The following MAN2B2 variants were observed in gnomAD, a reference collection of about 807,000 sequenced individuals.
MAN2B2 encodes mannosidase alpha class 2B member 2.
In MAN2B2, 106 loss-of-function variants were observed where a neutral mutation model predicts 117.1. The ratio of observed to expected loss-of-function variants is 0.90; its 90% CI spans 0.77 to 1.06. MAN2B2 has a LOEUF of 1.06. MAN2B2 is among the 50% of genes least tolerant of loss of function. The pLI is 0.00. For missense variants in MAN2B2, 1,326 were observed against 1,381.4 expected, an observed-to-expected ratio of 0.96 and a Z score of 0.64; for synonymous variants, 544 against 595.1, an observed-to-expected ratio of 0.91 and a Z score of 1.25.
chr4:6,594,155 G>A (rs1726973174), intron 6 of MAN2B2, among the ~76,000 whole-genome samples: 1 of 152,108 alleles, frequency 6.6e-6, no homozygotes, highest in African/African-American at 2.4e-5. Flanking sequence ...CTTAAGAGAT[G>A]CCCAGGGCCG....
Position 6,597,233 on chromosome 4 carries a change from C to A in MAN2B2, c.1178C>A (p.Ala393Asp), listed in dbSNP as rs902830326. 1 of 1,604,730 alleles carries A rather than the reference C, an allele frequency of 6.2e-7. No homozygotes were observed. Among genetic ancestry groups the A allele is most frequent in the African/African-American group, 1.3e-5 (1 of 74,620 alleles). Reference protein sequence around the residue: ...ESMFTRYLWPAPRGHLDPTWA... With the variant: ...ESMFTRYLWPDPRGHLDPTWA... ...ATGTTCACACGCTACCTGTGGCCGG[C>A]CCCCCGTGGGCATCTGGACCCCACC... is the stretch of plus-strand genomic sequence containing the variant. Residue 393 changes from alanine (A) to aspartate (D), a missense_variant, in exon 8 of 19, where the codon GCC (alanine) becomes GAC (aspartate). Coordinates refer to ENST00000285599, the MANE Select transcript of MAN2B2 (RefSeq NM_015274.3).
chr4:6,598,159 C>T (rs1727177278), intron 8 of MAN2B2, 39 bp from the exon 9 acceptor site: 1 of 1,603,218 alleles, frequency 6.2e-7, no homozygotes, highest in Non-Finnish European at 8.5e-7. Flanking sequence ...AGAGTCAGGT[C>T]CTGATCCTGT....
chr4:6,617,359 A>C, intron 16 of MAN2B2, 21 bp from the exon 17 acceptor site: 5 of 1,607,000 alleles, frequency 3.1e-6, no homozygotes, highest in Non-Finnish European at 4.3e-6. Context: ...CTTCACTGCC[A>C]CCTTCCTTCT....
At chr4:6,580,736 C>A (rs1397854591) in intron 3 of MAN2B2, among the ~76,000 whole-genome samples, 1 of 152,176 alleles carries the variant, frequency 6.6e-6, no homozygotes, top group Admixed American at 6.5e-5. Flanking sequence ...TAGGGTCTGG[C>A]CCAGACCACT....
chr4:6,598,386 C>T (rs1440815087), intron 9 of MAN2B2, 32 bp downstream of exon 9: 1 of 1,595,714 alleles, frequency 6.3e-7, no homozygotes, highest in African/African-American at 1.3e-5. Flanking sequence ...GGCTGTGGCC[C>T]CTTTATGAAG....
In MAN2B2 at chr4:6,614,227, C is replaced by G. The variant is rs147242306; in HGVS notation, c.2573C>G (p.Pro858Arg). Residue 858 changes from proline (P) to arginine (R), a missense_variant, in exon 16 of 19, where the codon CCG becomes CGG. By Grantham distance (103) the Pro-to-Arg change is moderately radical (BLOSUM62 -2). Coordinates refer to ENST00000285599, the MANE Select transcript of MAN2B2 (RefSeq NM_015274.3). ...VLFGDLAGTAPKLPGPQQQEA... is the reference protein window; with the variant it reads ...VLFGDLAGTARKLPGPQQQEA... The stretch of plus-strand genomic sequence containing the variant: ...TCCATCTGCCTTGCAGGGACTGCGC[C>G]GAAGCTCCCAGGACCCCAGCAGCAA... 1.2e-6 allele frequency: 2 copies of G among 1,614,032 alleles called. No individual in the cohort carries two copies. Among genetic ancestry groups the G allele is most frequent in the South Asian group, 2.2e-5 (2 of 91,074 alleles).
intron 5 of MAN2B2, among the ~76,000 whole-genome samples, chr4:6,592,730 C>T (rs1185402505): frequency 6.6e-6 from 1 of 152,182 alleles, no homozygotes; most frequent in Non-Finnish European, 1.5e-5. Context: ...TGGGGGTTCT[C>T]CACACCCCCA....
At chr4:6,582,700 TGG>T (rs1726483345) in intron 3 of MAN2B2, among the ~76,000 whole-genome samples, 1 of 151,908 alleles carries the variant, frequency 6.6e-6, no homozygotes, top group African/African-American at 2.4e-5. Context: ...TTTTTTAACA[TGG>T]GGTCCACTGT....
chr4:6,587,525 C>T (rs1461573094), intron 4 of MAN2B2, among the ~76,000 whole-genome samples: 1 of 152,086 alleles, frequency 6.6e-6, no homozygotes, highest in East Asian at 1.9e-4. Context: ...AGAGGAATGG[C>T]AGGGTGTGTT....
intron 16 of MAN2B2, among the ~76,000 whole-genome samples, chr4:6,615,738 T>C (rs1041938690): frequency 1.3e-5 from 2 of 152,020 alleles, no homozygotes; most frequent in Non-Finnish European, 2.9e-5. Flanking sequence ...AGTTCAAGGC[T>C]GCAGTGAGCT....
intron 3 of MAN2B2, among the ~76,000 whole-genome samples, chr4:6,585,085 T>A (rs1054534999): frequency 6.6e-6 from 1 of 151,936 alleles, no homozygotes; most frequent in Admixed American, 6.6e-5. Context: ...TCCTCTCTGC[T>A]TACATATGCA....
intron 3 of MAN2B2, among the ~76,000 whole-genome samples, chr4:6,579,933 C>A (rs1215584257): frequency 1.3e-5 from 2 of 152,216 alleles, no homozygotes; most frequent in African/African-American, 4.8e-5. Context: ...AAACTGAGAT[C>A]CAAAGAAATG....
intron 18 of MAN2B2, chr4:6,620,883 G>C: frequency 3.1e-6 from 1 of 327,842 alleles, no homozygotes; most frequent in Non-Finnish European, 5.6e-6. Flanking sequence ...GAGGAATTGA[G>C]GCCACTAGGG....
chr4:6,586,819 C>T (rs1207166792), intron 3 of MAN2B2, among the ~76,000 whole-genome samples, 177 bp from the exon 4 acceptor site: 2 of 152,198 alleles, frequency 1.3e-5, no homozygotes, highest in African/African-American at 4.8e-5. Flanking sequence ...ATATGTACTT[C>T]ACCATGATTA....
intron 15 of MAN2B2, among the ~76,000 whole-genome samples, chr4:6,612,012 G>A (rs939309915): frequency 2.0e-5 from 3 of 152,228 alleles, no homozygotes; most frequent in South Asian, 2.1e-4. Flanking sequence ...TTTTGGAGCT[G>A]CAAGACCTAG....
chr4:6,582,678 C>CA (rs1447969081), intron 3 of MAN2B2, among the ~76,000 whole-genome samples: 7 of 151,518 alleles, frequency 4.6e-5, no homozygotes, highest in East Asian at 1.9e-4. Flanking sequence ...TGTCTCTCTT[C>CA]AAAAAAAAAT....
chr4:6,585,690 G>C (rs1726603338), intron 3 of MAN2B2, among the ~76,000 whole-genome samples: 1 of 152,204 alleles, frequency 6.6e-6, no homozygotes, highest in Non-Finnish European at 1.5e-5. Context: ...AGGGGGTTCT[G>C]GCTCAGGACC....
At chr4:6,575,874 A>G (rs1726038314) in intron 1 of MAN2B2, among the ~76,000 whole-genome samples, 1 of 152,150 alleles carries the variant, frequency 6.6e-6, no homozygotes, top group African/African-American at 2.4e-5. Context: ...AGGGTAGGGG[A>G]AGCATGCCCA....
intron 15 of MAN2B2, among the ~76,000 whole-genome samples, chr4:6,613,885 GA>G (rs1711718023): frequency 6.6e-6 from 1 of 152,190 alleles, no homozygotes; most frequent in African/African-American, 2.4e-5. Flanking sequence ...AAAGGAGAGA[GA>G]GAGGAGAGGG....
Sources: allele counts gnomAD v4.1 joint callset (sites outside exome capture counted in the v4.1 genomes callset), GRCh38; gene constraint gnomAD v4.1.1; transcripts MANE v1.5; gene names NCBI Gene and HGNC (gene_info 2026-07-23, HGNC 2026-07-21).